The following MAN1C1 variants were observed in gnomAD, a reference collection of about 807,000 sequenced individuals.
MAN1C1 encodes the protein mannosyl-oligosaccharide 1,2-alpha-mannosidase IC.
Under a neutral mutation model 71.5 loss-of-function variants are expected in MAN1C1, and 49 were observed. The ratio of observed to expected loss-of-function variants is 0.69; its 90% CI spans 0.54 to 0.87. The LOEUF (loss-of-function observed/expected upper bound fraction) is 0.87, where lower values mean the gene tolerates loss of function less well. MAN1C1 is among the 40% of genes least tolerant of loss of function. The probability of loss-of-function intolerance (pLI) is 0.00; values close to 1 mark genes in which losing one functional copy is unlikely to be tolerated. For synonymous variants in MAN1C1, 352 were observed against 343.7 expected, an observed-to-expected ratio of 1.02 and a Z score of -0.27; for missense variants, 743 against 835.0, an observed-to-expected ratio of 0.89 and a Z score of 1.36.
intron 2 of MAN1C1, among the ~76,000 whole-genome samples, chr1:25,738,974 C>T (rs2047020235): frequency 6.6e-6 from 1 of 152,040 alleles, no homozygotes; most frequent in Admixed American, 6.5e-5. Context: ...CCAGCCTGGA[C>T]AACATAGTGA....
chr1:25,736,306 C>T (rs2046982004), intron 2 of MAN1C1, among the ~76,000 whole-genome samples: 1 of 152,108 alleles, frequency 6.6e-6, no homozygotes, highest in African/African-American at 2.4e-5. Context: ...TGCCAGGGCT[C>T]TTAGCTTTGC....
Position 25,675,690 on chromosome 1 carries a change from C to T in MAN1C1, c.541-10750C>T, listed in dbSNP as rs148967738. Among the ~76,000 whole-genome samples the T allele has an allele frequency of 7.7e-3, 1,171 of 151,504 alleles. 43 individuals are homozygous for T. Among genetic ancestry groups the T allele is most frequent in the Admixed American group, 0.057 (862 of 15,178 alleles). On this transcript the variant is annotated intron_variant, in intron 1 of 11. Transcript: ENST00000374332. ...CATACTGTTTTCCATAGTGGTTGTACTAACTTATATTCCCACCAGCAGTGT... is the reference window on the plus strand; with the variant it reads ...CATACTGTTTTCCATAGTGGTTGTATTAACTTATATTCCCACCAGCAGTGT...
rs2045123988 is a variant in MAN1C1 at position 25,617,724 on chromosome 1, G to T, written c.-74G>T. 4.9e-6 allele frequency: 7 copies of T among 1,426,742 alleles called. No homozygotes were observed. Among genetic ancestry groups the T allele is most frequent in the Non-Finnish European group, 6.5e-6 (7 of 1,080,694 alleles). 88.4% of individuals were successfully genotyped at this position (1,426,742 alleles called of 1,614,324 possible). On this transcript the variant is annotated 5_prime_UTR_variant, in exon 1 of 12. Coordinates refer to ENST00000374332, the MANE Select transcript of MAN1C1 (RefSeq NM_020379.4). The surrounding 1 kb of genome is among the most constrained non-coding windows in gnomAD (Gnocchi z 5.1). ...CCCCATCCCGGGCGGCGCTCCGGAC[G>T]CCCTCCCCTCACCGCGCCCCCGCAG...
intron 1 of MAN1C1, among the ~76,000 whole-genome samples, chr1:25,650,760 C>T (rs1021752029): frequency 5.3e-5 from 8 of 152,176 alleles, no homozygotes; most frequent in South Asian, 2.1e-4. Context: ...GAGCTGGCTG[C>T]CCACTTTCAC....
At position 25,779,872 on chromosome 1, in the gene MAN1C1, G is replaced by C. The variant is rs1183770275; in HGVS notation, c.1478-1068G>C. The stretch of plus-strand genomic sequence containing the variant: ...AGGGCCTCTCAGGGTTTTGAACCCT[G>C]GTAGTAGGGAAGAGGGCTCACATTA... On this transcript the variant is annotated intron_variant, in intron 9 of 11. Transcript: ENST00000374332. The surrounding 1 kb of genome is among the most constrained non-coding windows in gnomAD (Gnocchi z 4.6). Among the ~76,000 whole-genome samples the C allele has an allele frequency of 1.3e-5, 2 of 152,178 alleles. No individual in the cohort carries two copies. Among genetic ancestry groups the C allele is most frequent in the Admixed American group, 6.5e-5 (1 of 15,284 alleles).
intron 1 of MAN1C1, among the ~76,000 whole-genome samples, chr1:25,621,551 G>A (rs998192536): frequency 2.6e-5 from 4 of 152,154 alleles, no homozygotes; most frequent in Admixed American, 6.5e-5. Context: ...ATATCTCAGT[G>A]GAAGAATTCA....
chr1:25,763,851 A>G (rs752762544), intron 6 of MAN1C1, 23 bp from the exon 7 acceptor site: 10 of 1,605,962 alleles, frequency 6.2e-6, no homozygotes, highest in Non-Finnish European at 8.5e-6. Context: ...ATGAAGGCTC[A>G]CCTGGTGTCC....
At position 25,746,240 on chromosome 1, in the gene MAN1C1, G is replaced by A. The variant is rs920246565; in HGVS notation, c.638-428G>A. On this transcript the variant is annotated intron_variant, in intron 2 of 11. Transcript: ENST00000374332. This position sits in a 1 kb window ranked among gnomAD's most constrained non-coding sequence, Gnocchi z 4.0. ...GAATCGCTTGAACCTGGGAGGCAGA[G>A]GTTGGAGTGAGCCGAGATCGCACCA... is the stretch of plus-strand genomic sequence containing the variant. Among the ~76,000 whole-genome samples the A allele has an allele frequency of 6.6e-6, 1 of 152,228 alleles. No homozygotes were observed. Among genetic ancestry groups the A allele is most frequent in the Admixed American group, 6.5e-5 (1 of 15,282 alleles).
chr1:25,710,719 T>C (rs2046602383), intron 2 of MAN1C1, among the ~76,000 whole-genome samples: 1 of 152,222 alleles, frequency 6.6e-6, no homozygotes, highest in Non-Finnish European at 1.5e-5. Flanking sequence ...CTTTCCCTTG[T>C]CGTGGCTGCT....
rs2124209262 is a variant in MAN1C1, at chr1:25,698,374, C to T, written c.637+11838C>T. On this transcript the variant is annotated intron_variant, in intron 2 of 11. Transcript: ENST00000374332. The stretch of plus-strand genomic sequence containing the variant: ...TCCTTTCTTAGCCTCAGTTTTCTGT[C>T]CTGTAGAATGGGGATGATAATGCCC... 1.3e-5 allele frequency among the ~76,000 whole-genome samples: 2 copies of T among 152,284 alleles called. 1 individual carries two copies. Among genetic ancestry groups the T allele is most frequent in the South Asian group, 4.1e-4 (2 of 4,828 alleles).
intron 7 of MAN1C1, among the ~76,000 whole-genome samples, chr1:25,767,364 A>C: frequency 1.3e-5 from 1 of 79,066 alleles, no homozygotes; most frequent in Non-Finnish European, 2.4e-5. Flanking sequence ...CACTACCCTC[A>C]CATACGTCCA....
chr1:25,783,226 C>T (rs956012741), intron 11 of MAN1C1, among the ~76,000 whole-genome samples: 3 of 152,162 alleles, frequency 2.0e-5, no homozygotes, highest in Non-Finnish European at 2.9e-5. Flanking sequence ...AAACCCACAA[C>T]CTGGAAGCTG....
At position 25,733,409 on chromosome 1, in the gene MAN1C1, G is replaced by A. The variant is rs562803460; in HGVS notation, c.638-13259G>A. ...CTGCCCACTACTTTCCCCCTTTCCC[G>A]CTGCACACAACCTTTATCTTGGGAT... On this transcript the variant is annotated intron_variant, in intron 2 of 11. Coordinates refer to ENST00000374332, the MANE Select transcript of MAN1C1 (RefSeq NM_020379.4). 1.9e-4 allele frequency among the ~76,000 whole-genome samples: 28 copies of A among 150,608 alleles called. No homozygotes were observed. In the South Asian group the frequency reaches 4.0e-3, roughly 22 times the overall value.
chr1:25,737,590 C>T (rs575338409), intron 2 of MAN1C1, among the ~76,000 whole-genome samples: 74 of 152,308 alleles, frequency 4.9e-4, no homozygotes, highest in African/African-American at 1.6e-3. Flanking sequence ...AGGATGGATG[C>T]TGGGGCCACT....
chr1:25,689,811 G>A (rs908552255), intron 2 of MAN1C1, among the ~76,000 whole-genome samples: 2 of 152,220 alleles, frequency 1.3e-5, no homozygotes, highest in African/African-American at 4.8e-5. Flanking sequence ...TGTGCTGGCT[G>A]AGTAGGGTAT....
chr1:25,758,560 G>A (rs779529789), intron 5 of MAN1C1, 32 bp from the exon 6 acceptor site: 2 of 1,605,634 alleles, frequency 1.2e-6, no homozygotes, highest in South Asian at 1.1e-5. Flanking sequence ...TGGCCAAAGG[G>A]GGGATGACGG....
At chr1:25,773,558 G>A (rs1056207677) in intron 8 of MAN1C1, among the ~76,000 whole-genome samples, 3 of 152,156 alleles carry the variant, frequency 2.0e-5, no homozygotes, top group African/African-American at 2.4e-5. Flanking sequence ...CCAGAGCCCC[G>A]GTCAGAGAAT....
At chr1:25,694,706 G>A (rs1435937440) in intron 2 of MAN1C1, among the ~76,000 whole-genome samples, 3 of 152,130 alleles carry the variant, frequency 2.0e-5, no homozygotes, top group Admixed American at 6.5e-5. Flanking sequence ...TCTTTTTGTC[G>A]GGGTGAGAGT....
chr1:25,699,188 TA>T lies in MAN1C1; in HGVS notation c.637+12653del, dbSNP rs568964448. Among the ~76,000 whole-genome samples the T allele has an allele frequency of 4.0e-5, 6 of 151,286 alleles. No individual in the cohort carries two copies. In the South Asian group the frequency reaches 1.3e-3, roughly 32 times the overall value. Reference sequence around the variant, plus strand: ...GGTGGTACATGCCTGTAATCTCAGCTACTCAGGAGGCTGAGGCAGGAGAATC... The same window carrying T: ...GGTGGTACATGCCTGTAATCTCAGCTCTCAGGAGGCTGAGGCAGGAGAATC... On this transcript the variant is annotated intron_variant, in intron 2 of 11. Coordinates refer to ENST00000374332, the MANE Select transcript of MAN1C1 (RefSeq NM_020379.4).
Sources: allele counts gnomAD v4.1 joint callset (sites outside exome capture counted in the v4.1 genomes callset), GRCh38; gene constraint gnomAD v4.1.1; non-coding constraint Gnocchi (gnomAD v3.1); transcripts MANE v1.5; gene names NCBI Gene and HGNC (gene_info 2026-07-23, HGNC 2026-07-21).